PDE4D: variants seen among roughly 807,000 people sequenced by gnomAD.
PDE4D encodes the protein phosphodiesterase 4D.
A neutral mutation model predicts 87.4 loss-of-function variants in PDE4D; 24 were observed. That is an observed-to-expected ratio of 0.27 (90% CI 0.20 to 0.39). PDE4D has a LOEUF of 0.39. PDE4D is among the 10% of genes least tolerant of loss of function. The probability of loss-of-function intolerance (pLI) is 1.00; values close to 1 mark genes in which losing one functional copy is unlikely to be tolerated. For missense variants in PDE4D, 714 were observed against 1,041.0 expected, an observed-to-expected ratio of 0.69 and a Z score of 4.32; for synonymous variants, 384 against 383.2, an observed-to-expected ratio of 1.00 and a Z score of -0.02.
chr5:60,347,846 C>T (rs577465339), intron 1 of PDE4D, among the ~76,000 whole-genome samples: 2 of 152,136 alleles, frequency 1.3e-5, no homozygotes, highest in Non-Finnish European at 2.9e-5. Context: ...CAAAAGCTAT[C>T]ATGGTGCCAA....
chr5:60,337,388 T>TACACACACACACACACACAC (rs370108536), intron 1 of PDE4D, among the ~76,000 whole-genome samples: 14 of 89,472 alleles, frequency 1.6e-4, no homozygotes, highest in African/African-American at 6.0e-4. Flanking sequence ...TATATATATA[T>TACACACACACACACACACAC]ACACACACAC....
At chr5:59,904,659 T>C (rs1287305951) in intron 3 of PDE4D, among the ~76,000 whole-genome samples, 2 of 152,096 alleles carry the variant, frequency 1.3e-5, no homozygotes, top group Non-Finnish European at 2.9e-5. Flanking sequence ...TCAAAGAGGC[T>C]CCCAGCATTA....
intron 1 of PDE4D, among the ~76,000 whole-genome samples, chr5:59,555,957 T>C (rs1489820083): frequency 3.3e-5 from 5 of 152,146 alleles, no homozygotes; most frequent in African/African-American, 1.2e-4. Context: ...CCTCAATTTA[T>C]TTGCTGGAAG....
At chr5:59,383,078 T>C (rs945745274) in intron 1 of PDE4D, among the ~76,000 whole-genome samples, 10 of 152,210 alleles carry the variant, frequency 6.6e-5, no homozygotes, top group Admixed American at 5.2e-4. Flanking sequence ...TCCATCTTCA[T>C]AGTGTGACCA....
intron 1 of PDE4D, among the ~76,000 whole-genome samples, chr5:59,594,613 T>C (rs1312502613): frequency 1.3e-5 from 2 of 152,066 alleles, no homozygotes; most frequent in Non-Finnish European, 2.9e-5. Context: ...TGAGCCACCA[T>C]GCCTGGCCCA....
chr5:60,052,892 G>C (rs558257152), intron 2 of PDE4D, among the ~76,000 whole-genome samples: 64 of 151,904 alleles, frequency 4.2e-4, no homozygotes, highest in African/African-American at 1.4e-3. Context: ...CTATACATCA[G>C]TAATAGACAA....
At chr5:58,998,862 T>C (rs535400488) in intron 6 of PDE4D, among the ~76,000 whole-genome samples, 15 of 152,298 alleles carry the variant, frequency 9.8e-5, no homozygotes, top group Admixed American at 2.6e-4. Context: ...CCACAGGGCA[T>C]GGAAAAAGCC....
intron 1 of PDE4D, among the ~76,000 whole-genome samples, chr5:59,396,451 C>T (rs1466398537): frequency 5.2e-5 from 5 of 96,068 alleles, no homozygotes; most frequent in Admixed American, 9.9e-5. Context: ...GAAAAGAATT[C>T]TCAACCCAGA....
intron 5 of PDE4D, among the ~76,000 whole-genome samples, chr5:59,128,456 C>A (rs549050760): frequency 6.6e-6 from 1 of 152,112 alleles, no homozygotes; most frequent in African/African-American, 2.4e-5. Context: ...ACATACTAAA[C>A]CCAGTATGCA....
In PDE4D at chr5:59,129,987, A is replaced by C. The variant is rs910702572; in HGVS notation, c.808+50608T>G. Reference sequence around the variant, plus strand: ...AGGATAATTTTATTAATGATTTTTAAAAAATAAATGGGGAAAATCATAAAA... The same window carrying C: ...AGGATAATTTTATTAATGATTTTTACAAAATAAATGGGGAAAATCATAAAA... On this transcript the variant is annotated intron_variant, in intron 5 of 14. Coordinates refer to ENST00000340635, the MANE Select transcript of PDE4D (RefSeq NM_001104631.2). 3.3e-5 allele frequency among the ~76,000 whole-genome samples: 5 copies of C among 152,224 alleles called. No homozygotes were observed. The South Asian group carries it at 6.2e-4, about 19-fold the overall frequency.
chr5:60,452,610 T>C (rs150271609), intron 1 of PDE4D, among the ~76,000 whole-genome samples: 390 of 152,138 alleles, frequency 2.6e-3, no homozygotes, highest in South Asian at 0.016. Context: ...CAAATTACCA[T>C]AACATGAAGC....
rs79578647 is a variant in PDE4D at position 59,570,481 on chromosome 5, T to C, written c.455+322687A>G. Among the ~76,000 whole-genome samples the C allele has an allele frequency of 5.1e-3, 782 of 152,280 alleles. 3 individuals are homozygous for C. The highest frequency in any genetic ancestry group is 5.4e-3 in the Non-Finnish European group (369 of 68,010). On this transcript the variant is annotated intron_variant, in intron 1 of 14. Coordinates refer to ENST00000340635, the MANE Select transcript of PDE4D (RefSeq NM_001104631.2). ...ATATAAAATTTTCACTTGTAAATAG[T>C]GCAAACTGTGTTAGAAAAAAAGACA...
At chr5:59,151,177 G>A (rs1188123132) in intron 5 of PDE4D, among the ~76,000 whole-genome samples, 1 of 152,126 alleles carries the variant, frequency 6.6e-6, no homozygotes, top group African/African-American at 2.4e-5. Context: ...GATGAGGGAC[G>A]TTTGTGAATT....
At chr5:59,232,683 G>C (rs192642852) in intron 1 of PDE4D, among the ~76,000 whole-genome samples, 141 of 152,044 alleles carry the variant, frequency 9.3e-4, no homozygotes, top group African/African-American at 2.9e-3. Context: ...TTATCTAAAG[G>C]AAAGGAAAGG....
At position 59,062,702 on chromosome 5, in the gene PDE4D, G is replaced by GTT. The variant is rs1763318509; in HGVS notation, c.809-23732_809-23731insAA. ...ATGTTTACAATGAGTGAATGCATGT[G>GTT]GTTTTTTTTTTTTTTTTGCACTACC... On this transcript the variant is annotated intron_variant, in intron 5 of 14. Transcript: ENST00000340635. Among the ~76,000 whole-genome samples the GTT allele has an allele frequency of 8.1e-5, 7 of 86,240 alleles. No individual in the cohort carries two copies. In the South Asian group the frequency reaches 1.2e-3, roughly 15 times the overall value. The allele number at this position is 86,240 out of a possible 152,430, so 56.6% of individuals were successfully genotyped here.
chr5:59,218,827 A>C (rs554967392), intron 1 of PDE4D, among the ~76,000 whole-genome samples: 4 of 152,222 alleles, frequency 2.6e-5, no homozygotes, highest in African/African-American at 9.6e-5. Context: ...TTGAGAATGA[A>C]GATCTAAAAA....
chr5:59,382,497 T>C (rs1032806986), intron 1 of PDE4D, among the ~76,000 whole-genome samples: 1 of 152,186 alleles, frequency 6.6e-6, no homozygotes, highest in African/African-American at 2.4e-5. Flanking sequence ...ATCATAAATA[T>C]AGTTATTTCT....
intron 1 of PDE4D, among the ~76,000 whole-genome samples, chr5:59,730,164 C>T (rs577016891): frequency 4.6e-4 from 70 of 152,004 alleles, no homozygotes; most frequent in African/African-American, 1.7e-3. Flanking sequence ...TGTTCCAAGC[C>T]GGAAAACTTC....
intron 1 of PDE4D, chr5:59,768,448 G>C (rs1476574278): frequency 6.3e-7 from 1 of 1,598,284 alleles, no homozygotes. Flanking sequence ...CCACGGGTTT[G>C]GACAATGCGG....
Sources: gnomAD v4.1 joint callset for allele counts (sites outside exome capture counted in the v4.1 genomes callset) on GRCh38, gnomAD v4.1.1 for gene constraint, MANE v1.5 for transcripts, NCBI Gene and HGNC (gene_info 2026-07-23, HGNC 2026-07-21) for gene names.